TNFSF12: variants seen among roughly 807,000 people sequenced by gnomAD.
TNFSF12 encodes TNF superfamily member 12, also known as tumor necrosis factor ligand superfamily member 12.
A neutral mutation model predicts 31.2 loss-of-function variants in TNFSF12; 16 were observed. The ratio of observed to expected loss-of-function variants is 0.51; its 90% confidence interval spans 0.35 to 0.78. TNFSF12 has a LOEUF of 0.78. Among genes scored for constraint, TNFSF12 ranks in the 30% least tolerant of loss-of-function variants. TNFSF12 has a pLI of 0.01. For missense variants in TNFSF12, 324 were observed against 338.8 expected (o/e 0.96, Z 0.34); for synonymous variants, 150 against 151.4 (o/e 0.99, Z 0.07).
Position 7,549,153 on chromosome 17 carries a change from C to T in TNFSF12, c.-1C>T. The T allele has an allele frequency of 1.6e-6, 2 of 1,280,098 alleles. No individual in the cohort carries two copies. The highest frequency in any genetic ancestry group is 2.6e-5 in the South Asian group (1 of 37,976). 79.3% of individuals were successfully genotyped at this position (1,280,098 alleles called of 1,614,324 possible). ...TGAGGCAGGCACAGCCCCCCGCCCC[C>T]ATGGCCGCCCGTCGGAGCCAGAGGC... On this transcript the variant is annotated 5_prime_UTR_variant, in exon 1 of 7. Coordinates refer to ENST00000293825, the MANE Select transcript of TNFSF12 (RefSeq NM_003809.3). The surrounding 1 kb of genome is among the most constrained non-coding windows in gnomAD (Gnocchi z 4.1).
rs983094626 is a variant in TNFSF12 at position 7,550,180 on chromosome 17, C to T, written c.268C>T (p.Arg90Trp). The stretch of plus-strand genomic sequence containing the variant: ...TGCGCCTTTCCTGAACCGACTAGTT[C>T]GGCCTCGCAGAAGTGGTGAGCATCC... The part of the protein sequence containing the change: ...DPAPFLNRLV[R>W]PRRSAPKGRK... The change falls in exon 3 of 7, where the codon CGG (arginine) becomes TGG (tryptophan). Residue 90 changes from arginine (R) to tryptophan (W), a missense_variant. By Grantham distance (101) the Arg-to-Trp change is moderately radical. Transcript: ENST00000293825. This position sits in a 1 kb window ranked among gnomAD's most constrained non-coding sequence, Gnocchi z 4.4. 1.9e-6 allele frequency: 3 copies of T among 1,614,098 alleles called. No homozygotes were observed. The highest frequency in any genetic ancestry group is 1.3e-5 in the African/African-American group (1 of 74,994).
Position 7,550,754 on chromosome 17 carries a change from C to G in TNFSF12, c.284-45C>G. The G allele has an allele frequency of 6.3e-7, 1 of 1,588,792 alleles. No homozygotes were observed. Among genetic ancestry groups the G allele is most frequent in the Non-Finnish European group, 8.6e-7 (1 of 1,160,350 alleles). On this transcript the variant is annotated intron_variant, in intron 3 of 6. Coordinates refer to ENST00000293825, the MANE Select transcript of TNFSF12 (RefSeq NM_003809.3). The surrounding 1 kb of genome is among the most constrained non-coding windows in gnomAD (Gnocchi z 4.4). ...GGGCTGGGAGAGTTGCTCTGGGACC[C>G]CCACTAGGGCCCGCTTTGCTCATCT...
chr17:7,556,739 TAG>T (rs1442171890), intron 5 of TNFSF12, 37 bp from the exon 6 acceptor site: 3 of 1,478,728 alleles, frequency 2.0e-6, no homozygotes, highest in African/African-American at 2.8e-5. Flanking sequence ...GGGAGTCCTG[TAG>T]AGAGACGTTT....
intron 5 of TNFSF12, 135 bp from the exon 6 acceptor site, chr17:7,556,643 C>G: frequency 7.6e-7 from 1 of 1,319,472 alleles, no homozygotes; most frequent in Non-Finnish European, 9.7e-7. Flanking sequence ...GGGATGGGTC[C>G]TCCCTTGCCC....
intron 5 of TNFSF12, among the ~76,000 whole-genome samples, chr17:7,553,037 T>A: frequency 2.2e-5 from 1 of 45,020 alleles, no homozygotes; most frequent in South Asian, 1.2e-3. Context: ...TTTTTTTTTT[T>A]TTTTTTTTTT....
chr17:7,553,024 T>TTTC (rs1491371778), intron 5 of TNFSF12, among the ~76,000 whole-genome samples: 12 of 4,880 alleles, frequency 2.5e-3, no homozygotes, highest in Non-Finnish European at 8.8e-3. Flanking sequence ...AGGGACAACC[T>TTTC]TTTTTTTTTT....
In TNFSF12 at chr17:7,550,662, G is replaced by A; in HGVS notation, c.284-137G>A. Reference sequence around the variant, plus strand: ...TCACTCTACTTACTGAGGAAGATGAGGCCTGAGATTCTAAGGCCAGGAGTC... The same window carrying A: ...TCACTCTACTTACTGAGGAAGATGAAGCCTGAGATTCTAAGGCCAGGAGTC... On this transcript the variant is annotated intron_variant, in intron 3 of 6. Transcript: ENST00000293825. The surrounding 1 kb of genome is among the most constrained non-coding windows in gnomAD (Gnocchi z 4.4). The A allele has an allele frequency of 7.6e-7, 1 of 1,323,210 alleles. No individual in the cohort carries two copies. Among genetic ancestry groups the A allele is most frequent in the Non-Finnish European group, 1.0e-6 (1 of 962,826 alleles). The allele number at this position is 1,323,210 out of a possible 1,614,324, so 82.0% of individuals were successfully genotyped here. A position where few individuals can be genotyped will look rare whatever the true frequency, so the allele number is the denominator to read the frequency against.
At chr17:7,551,127 G>A in intron 5 of TNFSF12, 149 bp downstream of exon 5, 3 of 1,391,488 alleles carry the variant, frequency 2.2e-6, no homozygotes, top group Non-Finnish European at 1.9e-6. Context: ...CCCAGGCGTG[G>A]GACCCCATGA....
Position 7,557,618 on chromosome 17 carries a change from C to T in TNFSF12, c.*268C>T, listed in dbSNP as rs529736410. The stretch of plus-strand genomic sequence containing the variant: ...TGAGGCCCCCAGTGATCTCGACTCC[C>T]CCCTGGCCACAGACCCCCAGGGCAT... On this transcript the variant is annotated 3_prime_UTR_variant, in exon 7 of 7. Transcript: ENST00000293825. This position sits in a 1 kb window ranked among gnomAD's most constrained non-coding sequence, Gnocchi z 5.2. 2.0e-4 allele frequency: 94 copies of T among 471,272 alleles called. 1 individual carries two copies. Among genetic ancestry groups the T allele is most frequent in the African/African-American group, 1.6e-3 (80 of 51,408 alleles). The allele number at this position is 471,272 out of a possible 1,614,324, so 29.2% of individuals were successfully genotyped here.
chr17:7,550,071 CTT>C lies in TNFSF12; in HGVS notation c.208-47_208-46del. The C allele has an allele frequency of 6.2e-7, 1 of 1,613,856 alleles. No homozygotes were observed. The highest frequency in any genetic ancestry group is 8.5e-7 in the Non-Finnish European group (1 of 1,179,864). The stretch of plus-strand genomic sequence containing the variant: ...CTCCTGACAGGCCCCGTATGTCTCA[CTT>C]TATATCTCTGGGAGTCTGTGGTTGA... On this transcript the variant is annotated intron_variant, in intron 2 of 6. Coordinates refer to ENST00000293825, the MANE Select transcript of TNFSF12 (RefSeq NM_003809.3). This position sits in a 1 kb window ranked among gnomAD's most constrained non-coding sequence, Gnocchi z 4.4.
In TNFSF12 at chr17:7,550,221, A is replaced by T. The variant is rs374495422; in HGVS notation, c.283+26A>T. 6.2e-7 allele frequency: 1 copy of T among 1,614,088 alleles called. No individual in the cohort carries two copies. Among genetic ancestry groups the T allele is most frequent in the Non-Finnish European group, 8.5e-7 (1 of 1,180,006 alleles). On this transcript the variant is annotated intron_variant, in intron 3 of 6. Coordinates refer to ENST00000293825, the MANE Select transcript of TNFSF12 (RefSeq NM_003809.3). The surrounding 1 kb of genome is among the most constrained non-coding windows in gnomAD (Gnocchi z 4.4). The stretch of plus-strand genomic sequence containing the variant: ...GTGAGCATCCCTCTATCCCAACCTC[A>T]GGAAGCGGGCAGAGCAAAAACCATT...
chr17:7,550,141 G>T lies in TNFSF12; in HGVS notation c.229G>T (p.Glu77Ter). ...CTAGGAACTGAATCCCCAGACAGAA[G>T]AAAGCCAGGATCCTGCGCCTTTCCT... ...DPSELNPQTE[E>*]SQDPAPFLNR... The change falls in exon 3 of 7, where the codon GAA (glutamate) becomes TAA (stop). Residue 77 changes from glutamate to a stop codon, truncating the protein, a stop_gained. Coordinates refer to ENST00000293825, the MANE Select transcript of TNFSF12 (RefSeq NM_003809.3). LOFTEE classifies it high-confidence loss of function. The surrounding 1 kb of genome is among the most constrained non-coding windows in gnomAD (Gnocchi z 4.4). 1 of 1,614,136 alleles carries T rather than the reference G, an allele frequency of 6.2e-7. No homozygotes were observed. Among genetic ancestry groups the T allele is most frequent in the Non-Finnish European group, 8.5e-7 (1 of 1,180,020 alleles).
chr17:7,550,335 C>A lies in TNFSF12; in HGVS notation c.283+140C>A. 1.5e-6 allele frequency: 2 copies of A among 1,317,332 alleles called. No homozygotes were observed. The highest frequency in any genetic ancestry group is 2.1e-6 in the Non-Finnish European group (2 of 950,866). 81.6% of individuals were successfully genotyped at this position (1,317,332 alleles called of 1,614,324 possible). A position where few individuals can be genotyped will look rare whatever the true frequency, so the allele number is the denominator to read the frequency against. Reference sequence around the variant, plus strand: ...CAAGACTCAAACCTAGGGATTCTCGCCCTCCTCTGAAGCTCCTTCTGTCAT... The same window carrying A: ...CAAGACTCAAACCTAGGGATTCTCGACCTCCTCTGAAGCTCCTTCTGTCAT... On this transcript the variant is annotated intron_variant, in intron 3 of 6. Coordinates refer to ENST00000293825, the MANE Select transcript of TNFSF12 (RefSeq NM_003809.3). The surrounding 1 kb of genome is among the most constrained non-coding windows in gnomAD (Gnocchi z 4.4).
At position 7,550,832 on chromosome 17, in the gene TNFSF12, C is replaced by G. The variant is rs369851985; in HGVS notation, c.317C>G (p.Ala106Gly). The change falls in exon 4 of 7, where the codon GCG becomes GGG. Residue 106 changes from alanine (A) to glycine (G), a missense_variant. Physicochemically the swap from Ala to Gly is moderately conservative, Grantham distance 60. Coordinates refer to ENST00000293825, the MANE Select transcript of TNFSF12 (RefSeq NM_003809.3). The surrounding 1 kb of genome is among the most constrained non-coding windows in gnomAD (Gnocchi z 4.4). Reference protein sequence around the residue: ...PKGRKTRARRAIAAHYEVHPR... With the variant: ...PKGRKTRARRGIAAHYEVHPR... ...GGCCGGAAAACACGGGCTCGAAGAGCGATCGCAGCCCATTATGAAGGTGGG... is the reference window on the plus strand; with the variant it reads ...GGCCGGAAAACACGGGCTCGAAGAGGGATCGCAGCCCATTATGAAGGTGGG... 2 of 1,612,052 alleles carry G rather than the reference C, an allele frequency of 1.2e-6. No individual in the cohort carries two copies. The highest frequency in any genetic ancestry group is 1.7e-6 in the Non-Finnish European group (2 of 1,178,424).
In TNFSF12 at chr17:7,557,542, C is replaced by T; in HGVS notation, c.*192C>T. The T allele has an allele frequency of 1.3e-6, 1 of 786,162 alleles. No individual in the cohort carries two copies. Among genetic ancestry groups the T allele is most frequent in the Non-Finnish European group, 1.9e-6 (1 of 520,864 alleles). The allele number at this position is 786,162 out of a possible 1,614,324, so 48.7% of individuals were successfully genotyped here. A position where few individuals can be genotyped will look rare whatever the true frequency, so the allele number is the denominator to read the frequency against. Reference sequence around the variant, plus strand: ...CAGTATTCCCACTCTTATCTTACAACTCCCCCACCGCCCACTCTCCACCTC... The same window carrying T: ...CAGTATTCCCACTCTTATCTTACAATTCCCCCACCGCCCACTCTCCACCTC... On this transcript the variant is annotated 3_prime_UTR_variant, in exon 7 of 7. Transcript: ENST00000293825. The surrounding 1 kb of genome is among the most constrained non-coding windows in gnomAD (Gnocchi z 5.2).
At chr17:7,553,259 G>A (rs2071022518) in intron 5 of TNFSF12, among the ~76,000 whole-genome samples, 1 of 151,966 alleles carries the variant, frequency 6.6e-6, no homozygotes, top group Non-Finnish European at 1.5e-5. Flanking sequence ...ATGTTGGTCA[G>A]GCTGGTCTCA....
intron 6 of TNFSF12, 90 bp downstream of exon 6, chr17:7,556,992 G>A: frequency 1.3e-6 from 2 of 1,535,486 alleles, no homozygotes; most frequent in Non-Finnish European, 1.8e-6. Flanking sequence ...GGGCTGGGAG[G>A]GTGAGTTGGG....
Position 7,549,302 on chromosome 17 carries a change from T to C in TNFSF12, c.149T>C (p.Leu50Pro), listed in dbSNP as rs2070971503. 1.4e-6 allele frequency: 2 copies of C among 1,394,998 alleles called. No individual in the cohort carries two copies. Among genetic ancestry groups the C allele is most frequent in the Non-Finnish European group, 1.9e-6 (2 of 1,075,040 alleles). 86.4% of individuals were successfully genotyped at this position (1,394,998 alleles called of 1,614,324 possible). Residue 50 changes from leucine (L) to proline (P), a missense_variant, in exon 1 of 7, where the codon CTG becomes CCG. Leu to Pro is a moderately conservative substitution (Grantham distance 98). Coordinates refer to ENST00000293825, the MANE Select transcript of TNFSF12 (RefSeq NM_003809.3). The surrounding 1 kb of genome is among the most constrained non-coding windows in gnomAD (Gnocchi z 4.1). ...AVVSLGSRAS[L>P]SAQEPAQEEL... ...GTCAGTTTGGGGAGCCGGGCATCGC[T>C]GTCCGCCCAGGTGAGGCCCCGCTGC...
chr17:7,549,145 C>A lies in TNFSF12; in HGVS notation c.-9C>A. 7.8e-7 allele frequency: 1 copy of A among 1,275,856 alleles called. No individual in the cohort carries two copies. The highest frequency in any genetic ancestry group is 2.7e-5 in the South Asian group (1 of 36,938). The allele number at this position is 1,275,856 out of a possible 1,614,324, so 79.0% of individuals were successfully genotyped here. Reference sequence around the variant, plus strand: ...GGGGGCGGTGAGGCAGGCACAGCCCCCCGCCCCCATGGCCGCCCGTCGGAG... The same window carrying A: ...GGGGGCGGTGAGGCAGGCACAGCCCACCGCCCCCATGGCCGCCCGTCGGAG... On this transcript the variant is annotated 5_prime_UTR_variant, in exon 1 of 7. Coordinates refer to ENST00000293825, the MANE Select transcript of TNFSF12 (RefSeq NM_003809.3). The surrounding 1 kb of genome is among the most constrained non-coding windows in gnomAD (Gnocchi z 4.1).
Sources: allele counts gnomAD v4.1 joint callset (sites outside exome capture counted in the v4.1 genomes callset), GRCh38; gene constraint gnomAD v4.1.1; non-coding constraint Gnocchi (gnomAD v3.1); transcripts MANE v1.5; gene names NCBI Gene and HGNC (gene_info 2026-07-23, HGNC 2026-07-21).